Variants in NOL12 observed in about 807,000 individuals in gnomAD.
The protein encoded by NOL12 is nucleolar protein 12.
In NOL12, 21 loss-of-function variants were observed where a neutral mutation model predicts 25.2. The ratio of observed to expected loss-of-function variants is 0.83; its 90% confidence interval spans 0.59 to 1.20. NOL12 has a LOEUF of 1.20. NOL12 is among the 50% of genes most tolerant of loss of function. The probability of loss-of-function intolerance (pLI) is 0.00; values close to 1 mark genes in which losing one functional copy is unlikely to be tolerated. For synonymous variants in NOL12, 133 were observed against 113.8 expected (o/e 1.17, Z -1.08); for missense variants, 286 against 287.6 (o/e 0.99, Z 0.04).
Position 37,686,360 on chromosome 22 carries a change from C to T in NOL12, c.-33C>T, listed in dbSNP as rs768131732. ...ATGAGTACGCTACACCCGGAAGTGT[C>T]TTCAGGGAGAGGAAGCCGGCGGCCT... On this transcript the variant is annotated 5_prime_UTR_variant, in exon 1 of 6. Transcript: ENST00000359114. The T allele has an allele frequency of 6.4e-7, 1 of 1,574,516 alleles. No individual in the cohort carries two copies. Among genetic ancestry groups the T allele is most frequent in the South Asian group, 1.2e-5 (1 of 85,560 alleles).
intron 4 of NOL12, among the ~76,000 whole-genome samples, chr22:37,690,370 G>A (rs186689565): frequency 1.2e-4 from 19 of 152,232 alleles, no homozygotes; most frequent in African/African-American, 4.1e-4. Flanking sequence ...TCTCACACCG[G>A]TCTTTCATTT....
chr22:37,691,128 C>T (rs2040814550), intron 5 of NOL12, 46 bp from the exon 6 acceptor site: 1 of 1,550,378 alleles, frequency 6.5e-7, no homozygotes, highest in South Asian at 1.2e-5. Context: ...GGTGGTGAGT[C>T]ACCCCACAAT....
chr22:37,691,606 A>G lies in NOL12; in HGVS notation c.*270A>G. On this transcript the variant is annotated 3_prime_UTR_variant, in exon 6 of 6. Coordinates refer to ENST00000359114, the MANE Select transcript of NOL12 (RefSeq NM_024313.3). ...CGTGGGGGCATCTTCCCAAATGTGC[A>G]CCCCACCTGGCACTCATCAGATTTG... The G allele has an allele frequency of 3.4e-6, 1 of 294,474 alleles. No homozygotes were observed. The highest frequency in any genetic ancestry group is 5.8e-6 in the Non-Finnish European group (1 of 172,862). 18.2% of individuals were successfully genotyped at this position (294,474 alleles called of 1,614,324 possible).
rs539543406 is a variant in NOL12 at position 37,691,451 on chromosome 22, G to C, written c.*115G>C. The C allele has an allele frequency of 2.1e-5, 26 of 1,248,468 alleles. No individual in the cohort carries two copies. Among genetic ancestry groups the C allele is most frequent in the Non-Finnish European group, 2.6e-5 (25 of 943,700 alleles). 77.3% of individuals were successfully genotyped at this position (1,248,468 alleles called of 1,614,324 possible). A position where few individuals can be genotyped will look rare whatever the true frequency, so the allele number is the denominator to read the frequency against. On this transcript the variant is annotated 3_prime_UTR_variant, in exon 6 of 6. Transcript: ENST00000359114. ...TAATGACTGCACAGCTCAAGGTTGG[G>C]AAGCCAGGACCTCTCTGGCCTGGGG... is the stretch of plus-strand genomic sequence containing the variant.
chr22:37,688,968 G>C lies in NOL12; in HGVS notation c.357G>C (p.Arg119=). The C allele has an allele frequency of 1.9e-6, 3 of 1,612,864 alleles. No homozygotes were observed. Among genetic ancestry groups the C allele is most frequent in the African/African-American group, 1.3e-5 (1 of 75,064 alleles). Residue 119 remains arginine (R), a synonymous_variant, in exon 4 of 6, where the codon CGG becomes CGC. Transcript: ENST00000359114. ...TISDLDLSGA[R]LLGLTPPEGG... ...GTGACCTGGACCTCTCGGGGGCCCG[G>C]CTGCTCGGGCTGACCCCACCTGAGG...
At chr22:37,687,799 G>A in intron 1 of NOL12, 111 bp from the exon 2 acceptor site, 1 of 734,416 alleles carries the variant, frequency 1.4e-6, no homozygotes. Context: ...ACACTTTTTT[G>A]GAATGGTGCC....
intron 4 of NOL12, 60 bp from the exon 5 acceptor site, chr22:37,690,637 G>T: frequency 1.5e-6 from 2 of 1,298,698 alleles, no homozygotes; most frequent in East Asian, 2.4e-5. Flanking sequence ...GGCTCGGGGT[G>T]CCCAGCCCAG....
At chr22:37,690,816 C>T in intron 5 of NOL12, 22 bp downstream of exon 5, 3 of 1,561,570 alleles carry the variant, frequency 1.9e-6, no homozygotes, top group Non-Finnish European at 2.6e-6. Context: ...CCTGCTGCCT[C>T]CCCGGTCCCA....
In NOL12 at chr22:37,686,378, G is replaced by A; in HGVS notation, c.-15G>A. 2 of 1,586,290 alleles carry A rather than the reference G, an allele frequency of 1.3e-6. No individual in the cohort carries two copies. Among genetic ancestry groups the A allele is most frequent in the South Asian group, 2.3e-5 (2 of 86,926 alleles). On this transcript the variant is annotated 5_prime_UTR_variant, in exon 1 of 6. Transcript: ENST00000359114. ...GAAGTGTCTTCAGGGAGAGGAAGCC[G>A]GCGGCCTCACTGCTATGGGCCGCAA...
intron 4 of NOL12, among the ~76,000 whole-genome samples, chr22:37,689,227 C>G (rs1467615111): frequency 1.3e-5 from 2 of 152,238 alleles, no homozygotes; most frequent in African/African-American, 4.8e-5. Flanking sequence ...GCTGCAAAGA[C>G]CAGCCCCACT....
rs370559539 is a variant in NOL12 at position 37,688,368 on chromosome 22, G to A, written c.238+8G>A. ...AGAGAGAAGAGGCTCTGGGTAAGTG[G>A]CATGCTTGGCCTGACCTGGAGAACA... On this transcript the variant is annotated splice_region_variant and intron_variant, in intron 3 of 5. Coordinates refer to ENST00000359114, the MANE Select transcript of NOL12 (RefSeq NM_024313.3). 5 of 1,614,070 alleles carry A rather than the reference G, an allele frequency of 3.1e-6. No homozygotes were observed. Among genetic ancestry groups the A allele is most frequent in the Non-Finnish European group, 4.2e-6 (5 of 1,179,896 alleles).
rs751547872 is a variant in NOL12 at position 37,686,439 on chromosome 22, C to T, written c.47C>T (p.Pro16Leu). The change falls in exon 1 of 6, where the codon CCG becomes CTG. Residue 16 changes from proline (P) to leucine (L), a missense_variant. Coordinates refer to ENST00000359114, the MANE Select transcript of NOL12 (RefSeq NM_024313.3). Reference protein sequence around the residue: ...KKKRDGDDRRPRLVLSFDEEK... With the variant: ...KKKRDGDDRRLRLVLSFDEEK... The stretch of plus-strand genomic sequence containing the variant: ...AAGCGAGATGGTGACGACCGGCGGC[C>T]GAGGCTCGTTCTTAGCTTCGACGAG... 25 of 1,604,812 alleles carry T rather than the reference C, an allele frequency of 1.6e-5. No homozygotes were observed. Among genetic ancestry groups the T allele is most frequent in the African/African-American group, 1.5e-4 (11 of 74,262 alleles).
At chr22:37,690,347 A>G (rs13058368) in intron 4 of NOL12, among the ~76,000 whole-genome samples, 1 of 151,886 alleles carries the variant, frequency 6.6e-6, no homozygotes, top group African/African-American at 2.4e-5. Context: ...AAAACAAAAC[A>G]AAACCATACT....
In NOL12 at chr22:37,691,164, C is replaced by T; in HGVS notation, c.480-10C>T. The T allele has an allele frequency of 6.3e-7, 1 of 1,593,844 alleles. No individual in the cohort carries two copies. Among genetic ancestry groups the T allele is most frequent in the Non-Finnish European group, 8.6e-7 (1 of 1,167,876 alleles). ...GCAATCTTAAACTGAGGCTTTCTGC[C>T]CTCCCCTAGGATCTCCTCCCTCACA... On this transcript the variant is annotated splice_polypyrimidine_tract_variant and intron_variant, in intron 5 of 5. Coordinates refer to ENST00000359114, the MANE Select transcript of NOL12 (RefSeq NM_024313.3).
At position 37,691,058 on chromosome 22, in the gene NOL12, T is replaced by C. The variant is rs567975498; in HGVS notation, c.480-116T>C. On this transcript the variant is annotated intron_variant, in intron 5 of 5. Transcript: ENST00000359114. ...CTCTGGAGGTAGAGCAGGCCAACTC[T>C]GGCATGAACTTGGCGGTCCTGGCAT... The C allele has an allele frequency of 3.0e-4, 369 of 1,243,330 alleles. No individual in the cohort carries two copies. In the East Asian group the frequency reaches 8.7e-3, roughly 29 times the overall value. The allele number at this position is 1,243,330 out of a possible 1,614,324, so 77.0% of individuals were successfully genotyped here. A position where few individuals can be genotyped will look rare whatever the true frequency, so the allele number is the denominator to read the frequency against.
chr22:37,688,774 C>T (rs1005277734), intron 3 of NOL12, 76 bp from the exon 4 acceptor site: 61 of 1,536,606 alleles, frequency 4.0e-5, no homozygotes, highest in Non-Finnish European at 1.8e-5. Flanking sequence ...GGGCACTGCA[C>T]TCCAGGGCGG....
At chr22:37,687,268 C>T (rs1027321161) in intron 1 of NOL12, among the ~76,000 whole-genome samples, 3 of 129,812 alleles carry the variant, frequency 2.3e-5, no homozygotes, top group Non-Finnish European at 5.1e-5. Context: ...GCCCCCCCCC[C>T]CACCCGCCCC....
chr22:37,687,034 T>C, intron 1 of NOL12: 3 of 985,268 alleles, frequency 3.0e-6, no homozygotes, highest in Non-Finnish European at 3.6e-6. Flanking sequence ...GGGGCTGAGA[T>C]TAGACCGAGG....
At chr22:37,690,830 C>A in intron 5 of NOL12, 36 bp downstream of exon 5, 1 of 1,504,672 alleles carries the variant, frequency 6.6e-7, no homozygotes, top group Non-Finnish European at 9.2e-7. Flanking sequence ...GGTCCCACCC[C>A]TCCTGGCTGG....
Sources: allele counts gnomAD v4.1 joint callset (sites outside exome capture counted in the v4.1 genomes callset), GRCh38; gene constraint gnomAD v4.1.1; transcripts MANE v1.5; gene names NCBI Gene and HGNC (gene_info 2026-07-23, HGNC 2026-07-21).